Variants in PRKN observed in about 807,000 individuals in gnomAD.
The protein encoded by PRKN is E3 ubiquitin-protein ligase parkin.
PRKN carries 56 observed loss-of-function variants against 59.5 expected under a neutral mutation model. The observed-to-expected ratio is 0.94, with a 90% CI of 0.76 to 1.18. The LOEUF is 1.18. Ranked by LOEUF, PRKN falls within the 50% of genes most tolerant of loss-of-function variation. The probability of loss-of-function intolerance (pLI) is 0.00; values close to 1 mark genes in which losing one functional copy is unlikely to be tolerated. For synonymous variants in PRKN, 250 were observed against 222.1 expected (o/e 1.13, Z -1.12); for missense variants, 657 against 596.4 (o/e 1.10, Z -1.06).
chr6:161,874,159 T>TATATTATATGTAAA (rs1794502517), intron 6 of PRKN, among the ~76,000 whole-genome samples: 1 of 35,788 alleles, frequency 2.8e-5, no homozygotes, highest in African/African-American at 1.5e-4. Flanking sequence ...ATATATATTA[T>TATATTATATGTAAA]ATATAATATA....
At chr6:162,059,514 T>G (rs1412047434) in intron 4 of PRKN, among the ~76,000 whole-genome samples, 1 of 152,180 alleles carries the variant, frequency 6.6e-6, no homozygotes, top group African/African-American at 2.4e-5. Context: ...AAGAGTTGCA[T>G]GGCCAAAACA....
intron 4 of PRKN, among the ~76,000 whole-genome samples, chr6:162,190,726 A>G (rs1583175259): frequency 6.6e-6 from 1 of 152,284 alleles, no homozygotes; most frequent in East Asian, 1.9e-4. Context: ...TGCCCCGCAC[A>G]TTTTATCACT....
At chr6:162,380,834 A>C (rs1196098996) in intron 2 of PRKN, among the ~76,000 whole-genome samples, 1 of 152,072 alleles carries the variant, frequency 6.6e-6, no homozygotes, top group Non-Finnish European at 1.5e-5. Context: ...TTCAGCACAT[A>C]AATAAGGAAG....
At chr6:161,741,057 A>G (rs890560624) in intron 7 of PRKN, among the ~76,000 whole-genome samples, 1 of 152,180 alleles carries the variant, frequency 6.6e-6, no homozygotes, top group Non-Finnish European at 1.5e-5. Flanking sequence ...AAAGAAACAC[A>G]TTTGCTAGTG....
At chr6:162,128,672 G>C (rs1781222008) in intron 4 of PRKN, among the ~76,000 whole-genome samples, 1 of 152,160 alleles carries the variant, frequency 6.6e-6, no homozygotes, top group African/African-American at 2.4e-5. Flanking sequence ...ATTTATATAT[G>C]GAAACCTAAT....
At chr6:162,093,070 G>A (rs150402622) in intron 4 of PRKN, among the ~76,000 whole-genome samples, 6 of 152,210 alleles carry the variant, frequency 3.9e-5, no homozygotes, top group South Asian at 2.1e-4. Flanking sequence ...TAATTCTGTC[G>A]CTTCTAATTC....
chr6:161,908,013 G>A (rs1410470575), intron 6 of PRKN, among the ~76,000 whole-genome samples: 1 of 152,060 alleles, frequency 6.6e-6, no homozygotes, highest in Non-Finnish European at 1.5e-5. Context: ...AAGAGGCAAA[G>A]GTTGCCGTGA....
intron 5 of PRKN, among the ~76,000 whole-genome samples, chr6:162,018,962 T>A: frequency 6.6e-6 from 1 of 152,186 alleles, no homozygotes; most frequent in African/African-American, 2.4e-5. Context: ...TCTTTGCCTA[T>A]TATATCACTA....
In PRKN at chr6:161,456,357, T is replaced by C. The variant is rs959127315; in HGVS notation, c.1084-69480A>G. Among the ~76,000 whole-genome samples the C allele has an allele frequency of 1.3e-5, 2 of 152,292 alleles. No homozygotes were observed. Among genetic ancestry groups the C allele is most frequent in the Middle Eastern group, 3.4e-3 (1 of 294 alleles). The stretch of plus-strand genomic sequence containing the variant: ...CTGCCCTGGAACATCAGACTCCAAG[T>C]TCTTCAGCTTTTGGACTCTTGGACC... On this transcript the variant is annotated intron_variant, in intron 9 of 11. Coordinates refer to ENST00000366898, the MANE Select transcript of PRKN (RefSeq NM_004562.3). This position sits in a 1 kb window ranked among gnomAD's most constrained non-coding sequence, Gnocchi z 4.8.
At chr6:161,910,172 A>G (rs910314469) in intron 6 of PRKN, among the ~76,000 whole-genome samples, 1 of 152,210 alleles carries the variant, frequency 6.6e-6, no homozygotes, top group African/African-American at 2.4e-5. Flanking sequence ...ATGGATGAAC[A>G]AAGAAAGTTG....
chr6:162,300,758 C>A (rs554382991), intron 2 of PRKN, among the ~76,000 whole-genome samples: 1 of 152,128 alleles, frequency 6.6e-6, no homozygotes, highest in Non-Finnish European at 1.5e-5. Context: ...CAGAATTGCA[C>A]CAAAGCTTGA....
Position 162,243,940 on chromosome 6 carries a change from C to A in PRKN, c.412+18585G>T, listed in dbSNP as rs534617646. ...AATAATTTGCAGTTATGGGCAACAA[C>A]TGTCAAACAGCTGAGTAAAAACACA... On this transcript the variant is annotated intron_variant, in intron 3 of 11. Coordinates refer to ENST00000366898, the MANE Select transcript of PRKN (RefSeq NM_004562.3). 2.6e-5 allele frequency among the ~76,000 whole-genome samples: 4 copies of A among 152,168 alleles called. No individual in the cohort carries two copies. The East Asian group carries it at 7.7e-4, about 29-fold the overall frequency.
intron 1 of PRKN, among the ~76,000 whole-genome samples, chr6:162,637,277 C>A (rs959836313): frequency 3.7e-5 from 5 of 134,082 alleles, no homozygotes; most frequent in South Asian, 3.0e-4. Flanking sequence ...CCACCCGCCC[C>A]CCCCCCCAAA....
At chr6:162,599,260 G>A (rs1484114625) in intron 1 of PRKN, among the ~76,000 whole-genome samples, 1 of 152,112 alleles carries the variant, frequency 6.6e-6, no homozygotes, top group East Asian at 1.9e-4. Context: ...TAACCCAGAA[G>A]ATAATGACAC....
chr6:161,623,979 A>G (rs1783000612), intron 7 of PRKN, among the ~76,000 whole-genome samples: 1 of 152,190 alleles, frequency 6.6e-6, no homozygotes, highest in Non-Finnish European at 1.5e-5. Context: ...CAACACATTA[A>G]TTTTTCACTT....
chr6:162,087,429 T>C (rs1232968553), intron 4 of PRKN, among the ~76,000 whole-genome samples: 1 of 151,842 alleles, frequency 6.6e-6, no homozygotes, highest in African/African-American at 2.4e-5. Context: ...TCAAAATAGA[T>C]TTGGAGTTGG....
intron 1 of PRKN, among the ~76,000 whole-genome samples, chr6:162,493,812 T>A (rs1351412045): frequency 6.6e-6 from 1 of 152,108 alleles, no homozygotes; most frequent in Non-Finnish European, 1.5e-5. Context: ...CGAAGCTAAA[T>A]AAAGATGGAG....
At chr6:162,469,341 G>A (rs1317703987) in intron 1 of PRKN, among the ~76,000 whole-genome samples, 3 of 142,704 alleles carry the variant, frequency 2.1e-5, no homozygotes, top group Admixed American at 1.4e-4. Context: ...AAGAAAGTGG[G>A]GGGGTTGCAG....
intron 4 of PRKN, among the ~76,000 whole-genome samples, chr6:162,075,170 T>C (rs544838064): frequency 6.6e-6 from 1 of 152,322 alleles, no homozygotes; most frequent in South Asian, 2.1e-4. Context: ...GCTGTTGAGA[T>C]GGTAGCACTC....
Sources: gnomAD v4.1 joint callset for allele counts (sites outside exome capture counted in the v4.1 genomes callset) on GRCh38, gnomAD v4.1.1 for gene constraint, Gnocchi (gnomAD v3.1) non-coding constraint, MANE v1.5 for transcripts, NCBI Gene and HGNC (gene_info 2026-07-23, HGNC 2026-07-21) for gene names.